The following CMTM4 variants were observed in gnomAD, a reference collection of about 807,000 sequenced individuals.
The protein encoded by CMTM4 is CKLF-like MARVEL transmembrane domain-containing protein 4.
CMTM4 carries 8 observed loss-of-function variants against 19.0 expected under a neutral mutation model. That is an observed-to-expected ratio of 0.42 (90% confidence interval 0.25 to 0.76). CMTM4 has a LOEUF of 0.76. Ranked by LOEUF, CMTM4 falls within the 30% of genes least tolerant of loss-of-function variation. The pLI is 0.27. For missense variants in CMTM4, 228 were observed against 290.2 expected (o/e 0.79, Z 1.56); for synonymous variants, 106 against 121.1 (o/e 0.88, Z 0.82).
intron 1 of CMTM4, among the ~76,000 whole-genome samples, chr16:66,690,663 CG>C (rs1287781583): frequency 6.6e-6 from 1 of 152,118 alleles, no homozygotes; most frequent in Non-Finnish European, 1.5e-5. Context: ...TTTTGAGTTA[CG>C]TAAGAAAGCA....
At chr16:66,690,509 T>C (rs1054951085) in intron 1 of CMTM4, among the ~76,000 whole-genome samples, 1 of 152,188 alleles carries the variant, frequency 6.6e-6, no homozygotes, top group African/African-American at 2.4e-5. Context: ...AATGTATTAC[T>C]GCCCCACCCC....
intron 1 of CMTM4, among the ~76,000 whole-genome samples, chr16:66,660,603 A>C (rs2144858452): frequency 6.6e-6 from 1 of 152,344 alleles, no homozygotes; most frequent in African/African-American, 2.4e-5. Context: ...ACTAGTGTTC[A>C]TCTCTGATGA....
chr16:66,609,936 T>C (rs1362657974), downstream of CMTM4: 2 of 1,614,024 alleles, frequency 1.2e-6, no homozygotes, highest in African/African-American at 1.3e-5. The surrounding 1 kb of genome is among the most constrained non-coding windows in gnomAD (Gnocchi z 4.4). Context: ...ACCTGATCTT[T>C]AACGACGTGG....
chr16:66,609,676 A>T, the CMTM4 span: 3 of 1,536,736 alleles, frequency 2.0e-6, no homozygotes, highest in Non-Finnish European at 2.6e-6. This position sits in a 1 kb window ranked among gnomAD's most constrained non-coding sequence, Gnocchi z 4.4. Context: ...TCCTCTCATT[A>T]AAGACTGACT....
intron 1 of CMTM4, among the ~76,000 whole-genome samples, chr16:66,646,647 T>C (rs898620097): frequency 3.3e-5 from 5 of 152,192 alleles, no homozygotes; most frequent in Middle Eastern, 3.4e-3. Context: ...ATCCAGGTTA[T>C]GAGTTAAATT....
At chr16:66,626,971 T>G (rs1420580615) in intron 2 of CMTM4, among the ~76,000 whole-genome samples, 1 of 151,734 alleles carries the variant, frequency 6.6e-6, no homozygotes, top group Non-Finnish European at 1.5e-5. Context: ...GGCATGGTAG[T>G]GCGTTCCTGT....
chr16:66,634,194 C>A (rs2015942832), intron 2 of CMTM4, among the ~76,000 whole-genome samples: 1 of 152,090 alleles, frequency 6.6e-6, no homozygotes, highest in Non-Finnish European at 1.5e-5. Flanking sequence ...AATCCCAGCA[C>A]TTTGGGAGGC....
downstream of CMTM4, chr16:66,611,139 T>C: frequency 2.8e-6 from 1 of 355,134 alleles, no homozygotes; most frequent in Non-Finnish European, 5.0e-6. Flanking sequence ...TGTAAAATTA[T>C]TCTTGACTTA....
At chr16:66,679,291 C>G (rs1362219813) in intron 1 of CMTM4, among the ~76,000 whole-genome samples, 1 of 151,988 alleles carries the variant, frequency 6.6e-6, no homozygotes, top group Non-Finnish European at 1.5e-5. Context: ...TTCTTTACCC[C>G]GCTCCATGGG....
chr16:66,666,609 C>T (rs959063422), intron 1 of CMTM4, among the ~76,000 whole-genome samples: 1 of 152,146 alleles, frequency 6.6e-6, no homozygotes, highest in Non-Finnish European at 1.5e-5. Flanking sequence ...ATTACTTGAA[C>T]AGGTTCTTCA....
chr16:66,670,671 G>C (rs186075620), intron 1 of CMTM4, among the ~76,000 whole-genome samples: 73 of 152,040 alleles, frequency 4.8e-4, no homozygotes, highest in African/African-American at 1.7e-3. Flanking sequence ...GTGGTGGCAC[G>C]AACCTGTAGT....
chr16:66,619,552 T>TAATA lies in CMTM4; in HGVS notation c.*2505_*2506insTATT, dbSNP rs1807664354. ...CCTTCAATTTGCCAAGAGGTCATTT[T>TAATA]AAGGCCCCCAGATATCGATTGTCTT... On this transcript the variant is annotated 3_prime_UTR_variant, in exon 4 of 4. Coordinates refer to ENST00000394106, the MANE Select transcript of CMTM4 (RefSeq NM_181521.3). The TAATA allele has an allele frequency of 1.0e-6, 1 of 985,308 alleles. No homozygotes were observed. The highest frequency in any genetic ancestry group is 1.7e-5 in the African/African-American group (1 of 57,238). The allele number at this position is 985,308 out of a possible 1,614,324, so 61.0% of individuals were successfully genotyped here. A position where few individuals can be genotyped will look rare whatever the true frequency, so the allele number is the denominator to read the frequency against.
the CMTM4 span, among the ~76,000 whole-genome samples, chr16:66,608,670 A>G: frequency 2.0e-5 from 3 of 152,188 alleles, no homozygotes; most frequent in Admixed American, 2.0e-4. The surrounding 1 kb of genome is among the most constrained non-coding windows in gnomAD (Gnocchi z 5.1). Context: ...TGGTGCCTCT[A>G]GAGCAGGTCT....
intron 1 of CMTM4, among the ~76,000 whole-genome samples, chr16:66,659,375 A>G (rs547418132): frequency 1.4e-5 from 2 of 141,718 alleles, no homozygotes; most frequent in East Asian, 4.0e-4. Flanking sequence ...ACTCTGCCTC[A>G]AAAAAAAAAA....
intron 1 of CMTM4, among the ~76,000 whole-genome samples, chr16:66,656,798 T>G (rs1427401834): frequency 6.6e-6 from 1 of 152,080 alleles, no homozygotes; most frequent in Non-Finnish European, 1.5e-5. Flanking sequence ...TCTGTGGTGT[T>G]CCCGACACTA....
intron 1 of CMTM4, among the ~76,000 whole-genome samples, chr16:66,644,310 C>T (rs1001332047): frequency 6.6e-6 from 1 of 152,136 alleles, no homozygotes; most frequent in Non-Finnish European, 1.5e-5. Flanking sequence ...TGACGTTGCT[C>T]GAAACAATGT....
Position 66,696,721 on chromosome 16 carries a change from C to T in CMTM4, c.-196G>A, listed in dbSNP as rs1596973487. ...GCTCGGTCCGCTCGGGCTCGGCTCC[C>T]GCCGCCTCGGCAGCGGAAAGGGAGG... On this transcript the variant is annotated 5_prime_UTR_variant, in exon 1 of 4. Transcript: ENST00000394106. The surrounding 1 kb of genome is among the most constrained non-coding windows in gnomAD (Gnocchi z 4.3). The T allele has an allele frequency of 1.3e-5, 2 of 154,150 alleles. No homozygotes were observed. The highest frequency in any genetic ancestry group is 4.9e-5 in the African/African-American group (2 of 41,004). The allele number at this position is 154,150 out of a possible 1,614,324, so 9.5% of individuals were successfully genotyped here. A position where few individuals can be genotyped will look rare whatever the true frequency, so the allele number is the denominator to read the frequency against.
chr16:66,676,224 G>C, intron 1 of CMTM4, among the ~76,000 whole-genome samples: 1 of 151,052 alleles, frequency 6.6e-6, no homozygotes, highest in East Asian at 1.9e-4. Flanking sequence ...GCCTGAGTTG[G>C]TTAAATACTT....
At chr16:66,674,041 T>C (rs1038354569) in intron 1 of CMTM4, among the ~76,000 whole-genome samples, 2 of 152,222 alleles carry the variant, frequency 1.3e-5, no homozygotes, top group Admixed American at 6.5e-5. Flanking sequence ...ATCCCTCTCA[T>C]GCCCAGTTGG....
Sources: allele counts gnomAD v4.1 joint callset (sites outside exome capture counted in the v4.1 genomes callset), GRCh38; gene constraint gnomAD v4.1.1; non-coding constraint Gnocchi (gnomAD v3.1); transcripts MANE v1.5; gene names NCBI Gene and HGNC (gene_info 2026-07-23, HGNC 2026-07-21).